The following ITFG1 variants were observed in gnomAD, a reference collection of about 807,000 sequenced individuals.
ITFG1 encodes integrin alpha FG-GAP repeat containing 1, also known as T-cell immunomodulatory protein.
In ITFG1, 34 loss-of-function variants were observed where a neutral mutation model predicts 81.8. The observed-to-expected ratio is 0.42, with a 90% CI of 0.32 to 0.55. ITFG1 has a LOEUF of 0.55. ITFG1 is among the 20% of genes least tolerant of loss of function. The pLI, the probability that ITFG1 is intolerant of heterozygous loss-of-function variation, is 0.17. For missense variants in ITFG1, 672 were observed against 755.4 expected (o/e 0.89, Z 1.29); for synonymous variants, 285 against 270.6 (o/e 1.05, Z -0.52).
At chr16:47,179,630 G>GT (rs1191361534) in intron 14 of ITFG1, among the ~76,000 whole-genome samples, 1 of 147,508 alleles carries the variant, frequency 6.8e-6, no homozygotes, top group East Asian at 1.9e-4. Flanking sequence ...TCATAAAGTT[G>GT]TTTTTATTTA....
chr16:47,429,432 A>C (rs530336086), intron 5 of ITFG1, among the ~76,000 whole-genome samples: 7 of 152,272 alleles, frequency 4.6e-5, no homozygotes, highest in African/African-American at 1.2e-4. Flanking sequence ...ATATGTCTTT[A>C]ATTCTTTTTG....
At chr16:47,327,961 TC>T (rs36111523) in intron 8 of ITFG1, among the ~76,000 whole-genome samples, 1 of 152,174 alleles carries the variant, frequency 6.6e-6, no homozygotes, top group Admixed American at 6.5e-5. Flanking sequence ...GACCCAGCCA[TC>T]CCATTACTGG....
chr16:47,169,380 T>G (rs1254417357), intron 14 of ITFG1, among the ~76,000 whole-genome samples: 3 of 152,186 alleles, frequency 2.0e-5, no homozygotes, highest in African/African-American at 7.2e-5. Context: ...AGCAATGTTT[T>G]TTAGTTTTCA....
intron 10 of ITFG1, among the ~76,000 whole-genome samples, 159 bp from the exon 11 acceptor site, chr16:47,260,854 A>T (rs1189999944): frequency 6.6e-6 from 1 of 152,208 alleles, no homozygotes; most frequent in African/African-American, 2.4e-5. Flanking sequence ...TCATTAAAAA[A>T]TTGTTGGCTA....
At chr16:47,215,358 A>G (rs1014730769) in intron 14 of ITFG1, among the ~76,000 whole-genome samples, 1 of 152,228 alleles carries the variant, frequency 6.6e-6, no homozygotes, top group Non-Finnish European at 1.5e-5. Context: ...AATTAAATTA[A>G]GTGCTACTTC....
At chr16:47,221,312 A>C (rs1171515698) in intron 13 of ITFG1, among the ~76,000 whole-genome samples, 2 of 152,160 alleles carry the variant, frequency 1.3e-5, no homozygotes, top group East Asian at 1.9e-4. Flanking sequence ...GAATTTTGTC[A>C]AAGGCCTTTT....
chr16:47,244,067 G>A (rs1312471013), intron 12 of ITFG1, among the ~76,000 whole-genome samples: 1 of 152,174 alleles, frequency 6.6e-6, no homozygotes, highest in Non-Finnish European at 1.5e-5. Context: ...CTCAGACATA[G>A]TGTTGAGCAA....
chr16:47,397,479 A>G (rs1327987387), intron 6 of ITFG1, among the ~76,000 whole-genome samples: 1 of 152,248 alleles, frequency 6.6e-6, no homozygotes, highest in Admixed American at 6.5e-5. Flanking sequence ...GACAAGTATG[A>G]TGTAGACAGG....
intron 10 of ITFG1, among the ~76,000 whole-genome samples, chr16:47,302,669 A>C (rs572340915): frequency 2.6e-5 from 4 of 152,332 alleles, no homozygotes; most frequent in Admixed American, 2.6e-4. Flanking sequence ...AATTTAATGG[A>C]ACACCCCATA....
intron 13 of ITFG1, among the ~76,000 whole-genome samples, chr16:47,220,585 C>G (rs866128363): frequency 6.6e-6 from 1 of 152,174 alleles, no homozygotes; most frequent in Admixed American, 6.5e-5. Context: ...ACTTAAGAAA[C>G]TGTTCTGAGG....
At chr16:47,340,034 C>T (rs558328322) in intron 8 of ITFG1, among the ~76,000 whole-genome samples, 1 of 152,156 alleles carries the variant, frequency 6.6e-6, no homozygotes, top group South Asian at 2.1e-4. Context: ...ACGACAGAGG[C>T]CAGCAGGCAG....
intron 12 of ITFG1, among the ~76,000 whole-genome samples, chr16:47,245,117 C>T (rs1460576014): frequency 1.3e-5 from 2 of 152,028 alleles, no homozygotes; most frequent in African/African-American, 2.4e-5. Context: ...GAGGCTGAGG[C>T]GGGTGGACCA....
At chr16:47,183,896 T>G (rs1335091822) in intron 14 of ITFG1, among the ~76,000 whole-genome samples, 3 of 151,894 alleles carry the variant, frequency 2.0e-5, no homozygotes, top group Non-Finnish European at 4.4e-5. Context: ...TGAAAAAAAT[T>G]TAGAAGAATG....
At chr16:47,196,340 CCTT>C (rs1596800899) in intron 14 of ITFG1, 1 of 151,944 alleles carries the variant, frequency 6.6e-6, no homozygotes, top group East Asian at 1.9e-4. Flanking sequence ...TCTCTCTTCT[CCTT>C]CTGATACTCT....
chr16:47,405,250 A>G (rs1434126155), intron 6 of ITFG1, among the ~76,000 whole-genome samples: 1 of 152,162 alleles, frequency 6.6e-6, no homozygotes, highest in African/African-American at 2.4e-5. Context: ...AGCTATATTA[A>G]TATCTAGAGT....
intron 8 of ITFG1, among the ~76,000 whole-genome samples, chr16:47,316,400 A>G (rs1052040512): frequency 6.6e-6 from 1 of 152,166 alleles, no homozygotes; most frequent in Non-Finnish European, 1.5e-5. Flanking sequence ...TTTCGGAACC[A>G]TGTATATAAG....
At chr16:47,452,236 C>T (rs964923909) in intron 4 of ITFG1, among the ~76,000 whole-genome samples, 2 of 152,122 alleles carry the variant, frequency 1.3e-5, no homozygotes, top group Non-Finnish European at 2.9e-5. Context: ...TGATCTCGAC[C>T]TCTACCAAAA....
rs537401663 is a variant in ITFG1, at chr16:47,181,290, C to G, written c.1454-18626G>C. 3.8e-4 allele frequency among the ~76,000 whole-genome samples: 57 copies of G among 148,842 alleles called. No individual in the cohort carries two copies. The South Asian group carries it at 5.1e-3, about 13-fold the overall frequency. ...GCCACCCCGTCTGGGAAGTGAGGAGCGTCTCTGTCTGGGAAGTGAGGAGCG... is the reference window on the plus strand; with the variant it reads ...GCCACCCCGTCTGGGAAGTGAGGAGGGTCTCTGTCTGGGAAGTGAGGAGCG... On this transcript the variant is annotated intron_variant, in intron 14 of 17. Coordinates refer to ENST00000320640, the MANE Select transcript of ITFG1 (RefSeq NM_030790.5).
chr16:47,223,997 T>C (rs1438355973), intron 13 of ITFG1, among the ~76,000 whole-genome samples: 2 of 140,782 alleles, frequency 1.4e-5, no homozygotes, highest in Non-Finnish European at 3.0e-5. Context: ...GTCTCACTCA[T>C]AGGTGGGAAT....
Sources: gnomAD v4.1 joint callset for allele counts (sites outside exome capture counted in the v4.1 genomes callset) on GRCh38, gnomAD v4.1.1 for gene constraint, MANE v1.5 for transcripts, NCBI Gene and HGNC (gene_info 2026-07-23, HGNC 2026-07-21) for gene names.